Variants in FBXO11 observed in about 807,000 individuals in gnomAD.
FBXO11 encodes F-box protein 11, also known as F-box only protein 11.
Under a neutral mutation model 117.0 loss-of-function variants are expected in FBXO11, and 13 were observed. The ratio of observed to expected loss-of-function variants is 0.11; its 90% CI spans 0.07 to 0.18. The LOEUF is 0.18. Among genes scored for constraint, FBXO11 ranks in the 10% least tolerant of loss-of-function variants. The pLI, the probability that FBXO11 is intolerant of heterozygous loss-of-function variation, is 1.00. For missense variants in FBXO11, 767 were observed against 1,164.4 expected, an observed-to-expected ratio of 0.66 and a Z score of 4.97; for synonymous variants, 490 against 380.5, an observed-to-expected ratio of 1.29 and a Z score of -3.35.
rs559294665 is a variant in FBXO11, at chr2:47,857,006, T to G, written c.233-17237A>C. 2.6e-5 allele frequency among the ~76,000 whole-genome samples: 4 copies of G among 152,326 alleles called. No individual in the cohort carries two copies. In the South Asian group the frequency reaches 8.3e-4, roughly 32 times the overall value. On this transcript the variant is annotated intron_variant, in intron 1 of 22. Coordinates refer to ENST00000403359, the MANE Select transcript of FBXO11 (RefSeq NM_001190274.2). ...ACAGCAGAAATCAATAGACAATGTT[T>G]AAATGTGATAATGGGATAAACTCTG... is the stretch of plus-strand genomic sequence containing the variant.
intron 20 of FBXO11, 68 bp downstream of exon 20, chr2:47,809,532 A>G (rs942553645): frequency 5.1e-6 from 6 of 1,167,478 alleles, no homozygotes; most frequent in Non-Finnish European, 6.2e-6. Flanking sequence ...ATCAAGTTAT[A>G]AAACGGCTTC....
intron 1 of FBXO11, among the ~76,000 whole-genome samples, chr2:47,902,919 T>TAAA (rs796255446): frequency 1.4e-5 from 2 of 140,302 alleles, no homozygotes; most frequent in African/African-American, 5.2e-5. Context: ...AGTAAAAGGT[T>TAAA]AAAAAAAAAA....
Position 47,810,305 on chromosome 2 carries a change from A to G in FBXO11, c.2338+11T>C. 1 of 1,562,974 alleles carries G rather than the reference A, an allele frequency of 6.4e-7. No individual in the cohort carries two copies. Among genetic ancestry groups the G allele is most frequent in the Non-Finnish European group, 8.7e-7 (1 of 1,144,868 alleles). The stretch of plus-strand genomic sequence containing the variant: ...ATATATAAGCCACAGGTAAGAAAAG[A>G]AAATACAAACCTGCGGCAAATCCAT... On this transcript the variant is annotated intron_variant, in intron 19 of 22. Coordinates refer to ENST00000403359, the MANE Select transcript of FBXO11 (RefSeq NM_001190274.2).
At chr2:47,901,022 TATATATATACACAC>T (rs1678210728) in intron 1 of FBXO11, among the ~76,000 whole-genome samples, 3 of 138,842 alleles carry the variant, frequency 2.2e-5, no homozygotes, top group African/African-American at 7.9e-5. Flanking sequence ...TATATTTATG[TATATATATACACAC>T]GTGTGTACAT....
At chr2:47,863,597 G>C (rs1052797748) in intron 1 of FBXO11, among the ~76,000 whole-genome samples, 2 of 151,964 alleles carry the variant, frequency 1.3e-5, no homozygotes, top group African/African-American at 4.8e-5. Flanking sequence ...AATATTTTGG[G>C]GTTATGGCAT....
chr2:47,872,788 A>G (rs1021614489), intron 1 of FBXO11, among the ~76,000 whole-genome samples: 1 of 152,218 alleles, frequency 6.6e-6, no homozygotes, highest in Non-Finnish European at 1.5e-5. Flanking sequence ...TAAGCTGGCC[A>G]TTAGATTCAC....
chr2:47,823,084 A>G (rs780251140), intron 12 of FBXO11, 59 bp downstream of exon 12: 18 of 1,249,726 alleles, frequency 1.4e-5, no homozygotes, highest in Non-Finnish European at 1.9e-5. Flanking sequence ...CAATATCTTG[A>G]CTTTTAAGCA....
At chr2:47,831,014 G>C (rs1322068671) in intron 11 of FBXO11, among the ~76,000 whole-genome samples, 2 of 151,952 alleles carry the variant, frequency 1.3e-5, no homozygotes, top group African/African-American at 2.4e-5. Flanking sequence ...GTCCAGGCTG[G>C]TTTTGAACTC....
chr2:47,851,454 C>T (rs541314909), intron 1 of FBXO11, among the ~76,000 whole-genome samples: 52 of 152,252 alleles, frequency 3.4e-4, no homozygotes, highest in African/African-American at 1.2e-3. Context: ...GTCTCGAATT[C>T]CTGACCTCAT....
chr2:47,829,069 A>G (rs1188097202), intron 11 of FBXO11, among the ~76,000 whole-genome samples: 1 of 151,548 alleles, frequency 6.6e-6, no homozygotes, highest in Non-Finnish European at 1.5e-5. Flanking sequence ...TTACAGGCAC[A>G]CGCCACCACG....
intron 18 of FBXO11, chr2:47,811,150 T>C (rs1443983467): frequency 6.6e-6 from 1 of 152,236 alleles, no homozygotes; most frequent in African/African-American, 2.4e-5. Context: ...GGTATTAATA[T>C]TTCTGGGTTC....
At chr2:47,899,976 C>CA (rs1240618073) in intron 1 of FBXO11, among the ~76,000 whole-genome samples, 1 of 152,132 alleles carries the variant, frequency 6.6e-6, no homozygotes, top group Non-Finnish European at 1.5e-5. Flanking sequence ...AGAAAATACT[C>CA]AAACTAGGGG....
intron 1 of FBXO11, among the ~76,000 whole-genome samples, chr2:47,885,391 G>A (rs1676748201): frequency 6.6e-6 from 1 of 152,038 alleles, no homozygotes; most frequent in African/African-American, 2.4e-5. Context: ...TCAGGAGTTC[G>A]AGACCAGTCT....
At chr2:47,844,081 C>T (rs1183179772) in intron 1 of FBXO11, among the ~76,000 whole-genome samples, 1 of 152,126 alleles carries the variant, frequency 6.6e-6, no homozygotes. Flanking sequence ...TAGACTTTTG[C>T]TTTTCAGCCA....
At chr2:47,897,640 T>TGA (rs1677774906) in intron 1 of FBXO11, among the ~76,000 whole-genome samples, 1 of 139,992 alleles carries the variant, frequency 7.1e-6, no homozygotes, top group African/African-American at 2.7e-5. Flanking sequence ...GAGGTTGCAG[T>TGA]GAGCCAAGAT....
At chr2:47,853,322 G>A (rs934314588) in intron 1 of FBXO11, among the ~76,000 whole-genome samples, 5 of 151,838 alleles carry the variant, frequency 3.3e-5, no homozygotes, top group African/African-American at 7.3e-5. Context: ...CACCTGCCTC[G>A]GCCTCCCACA....
intron 1 of FBXO11, among the ~76,000 whole-genome samples, chr2:47,864,432 ACAAAATTAG>A (rs1675039633): frequency 6.6e-6 from 1 of 152,122 alleles, no homozygotes; most frequent in Non-Finnish European, 1.5e-5. Context: ...TACTAAAAAT[ACAAAATTAG>A]CCTGGTGTGG....
Position 47,855,207 on chromosome 2 carries a change from T to G in FBXO11, c.233-15438A>C, listed in dbSNP as rs560489094. On this transcript the variant is annotated intron_variant, in intron 1 of 22. Coordinates refer to ENST00000403359, the MANE Select transcript of FBXO11 (RefSeq NM_001190274.2). ...GACAGACTAGGTAGACTCATTTTTT[T>G]TTTTTGTTTTTGAGACAGGGTCTCA... 3.9e-5 allele frequency among the ~76,000 whole-genome samples: 6 copies of G among 152,168 alleles called. No homozygotes were observed. The East Asian group carries it at 9.7e-4, about 24-fold the overall frequency.
intron 11 of FBXO11, among the ~76,000 whole-genome samples, chr2:47,826,166 C>A (rs773238290): frequency 6.6e-6 from 1 of 152,082 alleles, no homozygotes; most frequent in Non-Finnish European, 1.5e-5. Context: ...TCACGCCATT[C>A]TCCTGCCTTA....
Sources: gnomAD v4.1 joint callset for allele counts (sites outside exome capture counted in the v4.1 genomes callset) on GRCh38, gnomAD v4.1.1 for gene constraint, MANE v1.5 for transcripts, NCBI Gene and HGNC (gene_info 2026-07-23, HGNC 2026-07-21) for gene names.